NTM: variants seen among roughly 807,000 people sequenced by gnomAD.
The protein encoded by NTM is neurotrimin.
Under a neutral mutation model 42.1 loss-of-function variants are expected in NTM, and 13 were observed. The observed-to-expected ratio is 0.31, with a 90% CI of 0.20 to 0.49. The LOEUF (loss-of-function observed/expected upper bound fraction) is 0.49. Ranked by LOEUF, NTM falls within the 20% of genes least tolerant of loss-of-function variation. The probability of loss-of-function intolerance (pLI) is 0.99; values close to 1 mark genes in which losing one functional copy is unlikely to be tolerated. For missense variants in NTM, 373 were observed against 452.8 expected, an observed-to-expected ratio of 0.82 and a Z score of 1.60; for synonymous variants, 187 against 179.2, an observed-to-expected ratio of 1.04 and a Z score of -0.35.
At chr11:131,899,114 T>C (rs893746640) in intron 1 of NTM, among the ~76,000 whole-genome samples, 3 of 152,130 alleles carry the variant, frequency 2.0e-5, no homozygotes, top group Admixed American at 2.0e-4. Flanking sequence ...AGTCAAACTT[T>C]TGGAACGAGG....
At chr11:131,460,418 A>C (rs1046119142) in intron 1 of NTM, among the ~76,000 whole-genome samples, 1 of 152,264 alleles carries the variant, frequency 6.6e-6, no homozygotes, top group Non-Finnish European at 1.5e-5. Context: ...AATTATCTAT[A>C]GATGACATAA....
At chr11:132,324,758 G>A (rs1218612933) in intron 7 of NTM, among the ~76,000 whole-genome samples, 1 of 147,090 alleles carries the variant, frequency 6.8e-6, no homozygotes, top group African/African-American at 2.5e-5. Flanking sequence ...CACACTACCT[G>A]ACTTCAAACT....
intron 7 of NTM, among the ~76,000 whole-genome samples, chr11:132,316,447 C>T (rs1415172475): frequency 6.6e-6 from 1 of 152,146 alleles, no homozygotes; most frequent in Non-Finnish European, 1.5e-5. Flanking sequence ...TCTACCATTG[C>T]CAGCTCTCTG....
chr11:131,789,834 T>C (rs1490306477), intron 1 of NTM, among the ~76,000 whole-genome samples: 5 of 150,700 alleles, frequency 3.3e-5, no homozygotes, highest in East Asian at 2.0e-4. Flanking sequence ...CGGGAGCCTG[T>C]AGTCCCAGCT....
At chr11:131,986,200 A>G (rs1217749785) in intron 2 of NTM, among the ~76,000 whole-genome samples, 1 of 152,198 alleles carries the variant, frequency 6.6e-6, no homozygotes, top group African/African-American at 2.4e-5. Flanking sequence ...ATCAACCATG[A>G]CAGGTCCTTT....
At chr11:131,838,970 T>C (rs1217837214) in intron 1 of NTM, among the ~76,000 whole-genome samples, 1 of 151,788 alleles carries the variant, frequency 6.6e-6, no homozygotes. Context: ...ATCTTTTTTT[T>C]TTTTTTTTTA....
chr11:131,912,563 G>A (rs374812365), intron 2 of NTM, among the ~76,000 whole-genome samples: 1 of 152,184 alleles, frequency 6.6e-6, no homozygotes, highest in Non-Finnish European at 1.5e-5. Flanking sequence ...TAATGATTGC[G>A]ATGGGAAATT....
intron 2 of NTM, among the ~76,000 whole-genome samples, chr11:132,012,578 C>T (rs1410602514): frequency 1.3e-5 from 2 of 152,086 alleles, no homozygotes; most frequent in African/African-American, 2.4e-5. Flanking sequence ...ATAAGGGATT[C>T]CTTAATTGTT....
intron 2 of NTM, among the ~76,000 whole-genome samples, chr11:131,959,115 C>T (rs576642384): frequency 6.6e-6 from 1 of 152,242 alleles, no homozygotes; most frequent in East Asian, 1.9e-4. Flanking sequence ...TGTGTATGGC[C>T]CAAGTGGATG....
At chr11:131,377,364 G>T (rs1273217086) in intron 1 of NTM, among the ~76,000 whole-genome samples, 1 of 152,110 alleles carries the variant, frequency 6.6e-6, no homozygotes, top group African/African-American at 2.4e-5. Context: ...CACCTCTCTG[G>T]CCTCTCCACT....
chr11:132,199,813 A>T (rs180995619), intron 3 of NTM, among the ~76,000 whole-genome samples: 1 of 150,968 alleles, frequency 6.6e-6, no homozygotes. Context: ...GTAGCCTTTA[A>T]TTAGTTTCTG....
chr11:132,065,206 T>A (rs2081260088), intron 2 of NTM, among the ~76,000 whole-genome samples: 1 of 152,150 alleles, frequency 6.6e-6, no homozygotes. Context: ...CATGACCAGC[T>A]CTCTCAGAAG....
chr11:132,298,268 A>T (rs1187077296), intron 4 of NTM, among the ~76,000 whole-genome samples: 1 of 152,234 alleles, frequency 6.6e-6, no homozygotes, highest in African/African-American at 2.4e-5. Context: ...TTTATCCCCT[A>T]TCAATGTCTT....
At chr11:131,402,265 G>T (rs1195362036) in intron 1 of NTM, among the ~76,000 whole-genome samples, 1 of 151,958 alleles carries the variant, frequency 6.6e-6, no homozygotes, top group Non-Finnish European at 1.5e-5. Flanking sequence ...AATTATTGTG[G>T]TCTCTGCTAT....
chr11:131,533,141 C>T (rs187684116), intron 1 of NTM, among the ~76,000 whole-genome samples: 1 of 152,146 alleles, frequency 6.6e-6, no homozygotes, highest in Non-Finnish European at 1.5e-5. Flanking sequence ...AGTGACTCTT[C>T]TAGACTCCCC....
chr11:132,040,967 A>G (rs752241222), intron 2 of NTM, among the ~76,000 whole-genome samples: 2 of 152,190 alleles, frequency 1.3e-5, no homozygotes, highest in Non-Finnish European at 2.9e-5. Context: ...AGATTAAATT[A>G]GTTAATATTT....
intron 2 of NTM, among the ~76,000 whole-genome samples, chr11:132,135,845 C>G (rs1261264181): frequency 6.6e-6 from 1 of 152,126 alleles, no homozygotes; most frequent in Non-Finnish European, 1.5e-5. Flanking sequence ...AATGATGAGG[C>G]CCCCATCGAG....
intron 1 of NTM, among the ~76,000 whole-genome samples, chr11:131,577,240 A>G (rs1018844866): frequency 2.6e-5 from 4 of 152,174 alleles, no homozygotes; most frequent in African/African-American, 9.7e-5. Context: ...GAAGGCATCA[A>G]TAAATATTTG....
At chr11:131,878,617 ATATATATATATATATAT>A (rs2048959028) in intron 1 of NTM, among the ~76,000 whole-genome samples, 1 of 34,084 alleles carries the variant, frequency 2.9e-5, no homozygotes. Context: ...ATATATATAT[ATATATATATATATATAT>A]ATATATAATG....
Sources: gnomAD v4.1 joint callset for allele counts (sites outside exome capture counted in the v4.1 genomes callset) on GRCh38, gnomAD v4.1.1 for gene constraint, MANE v1.5 for transcripts, NCBI Gene and HGNC (gene_info 2026-07-23, HGNC 2026-07-21) for gene names.